SRGAP3: variants seen among roughly 807,000 people sequenced by gnomAD.
The protein encoded by SRGAP3 is SLIT-ROBO Rho GTPase-activating protein 3.
In SRGAP3, 39 loss-of-function variants were observed where a neutral mutation model predicts 121.1. The ratio of observed to expected loss-of-function variants is 0.32; its 90% CI spans 0.25 to 0.42. The LOEUF (loss-of-function observed/expected upper bound fraction) is 0.42. SRGAP3 is among the 10% of genes least tolerant of loss of function. The pLI, the probability that SRGAP3 is intolerant of heterozygous loss-of-function variation, is 1.00. For synonymous variants in SRGAP3, 601 were observed against 570.0 expected, an observed-to-expected ratio of 1.05 and a Z score of -0.77; for missense variants, 1,213 against 1,470.6, an observed-to-expected ratio of 0.82 and a Z score of 2.86.
chr3:9,300,313 A>AC (rs1297780639), intron 3 of SRGAP3, among the ~76,000 whole-genome samples: 2 of 148,914 alleles, frequency 1.3e-5, no homozygotes, highest in East Asian at 4.1e-4. Context: ...AAAACTTCAC[A>AC]CTTCACAACT....
intron 14 of SRGAP3, 123 bp from the exon 15 acceptor site, chr3:9,015,854 C>T (rs1943611731): frequency 1.7e-6 from 2 of 1,184,128 alleles, no homozygotes; most frequent in Non-Finnish European, 2.5e-6. Context: ...GAAAAGTCTC[C>T]CCCACATATG....
intron 3 of SRGAP3, among the ~76,000 whole-genome samples, chr3:9,258,031 A>G (rs906118445): frequency 2.0e-5 from 3 of 152,174 alleles, no homozygotes; most frequent in Non-Finnish European, 4.4e-5. Flanking sequence ...AGCACTCGAT[A>G]TAGTCTAGGC....
At chr3:8,994,656 G>C (rs1942279808) in intron 18 of SRGAP3, 133 bp from the exon 19 acceptor site, 2 of 1,177,214 alleles carry the variant, frequency 1.7e-6, no homozygotes, top group Non-Finnish European at 2.4e-6. Flanking sequence ...CAGAACGCCT[G>C]GTGGGCTGGG....
At chr3:8,999,265 G>A (rs1250943890) in intron 18 of SRGAP3, among the ~76,000 whole-genome samples, 4 of 152,222 alleles carry the variant, frequency 2.6e-5, no homozygotes, top group Non-Finnish European at 4.4e-5. Context: ...GATTGGAGGG[G>A]AGAGGCTGGA....
At chr3:9,286,387 A>C (rs1430618464) in intron 3 of SRGAP3, among the ~76,000 whole-genome samples, 2 of 151,224 alleles carry the variant, frequency 1.3e-5, no homozygotes, top group Non-Finnish European at 3.0e-5. Flanking sequence ...TTGGCTGGGC[A>C]CGGTGGCTCA....
At chr3:9,306,953 G>A (rs774823583) in intron 3 of SRGAP3, among the ~76,000 whole-genome samples, 3 of 152,030 alleles carry the variant, frequency 2.0e-5, no homozygotes, top group African/African-American at 7.2e-5. Context: ...CATTATACAC[G>A]GCTCTTTACA....
Position 8,984,095 on chromosome 3 carries a change from G to C in SRGAP3, c.*1424C>G, listed in dbSNP as rs146670215. Reference sequence around the variant, plus strand: ...ACCCGGAAGGGCTTTACTTGGCCAAGAGGCAAAGGCCTGGCTGTCACACGT... The same window carrying C: ...ACCCGGAAGGGCTTTACTTGGCCAACAGGCAAAGGCCTGGCTGTCACACGT... On this transcript the variant is annotated 3_prime_UTR_variant, in exon 22 of 22. Transcript: ENST00000383836. The C allele has an allele frequency of 6.6e-4, 153 of 232,222 alleles. No homozygotes were observed. The East Asian group carries it at 8.6e-3, about 13-fold the overall frequency. 14.4% of individuals were successfully genotyped at this position (232,222 alleles called of 1,614,324 possible). A position where few individuals can be genotyped will look rare whatever the true frequency, so the allele number is the denominator to read the frequency against.
chr3:9,278,691 G>A (rs149813874), intron 3 of SRGAP3, among the ~76,000 whole-genome samples: 4 of 152,330 alleles, frequency 2.6e-5, no homozygotes, highest in Non-Finnish European at 5.9e-5. Flanking sequence ...AATCACAGCA[G>A]CCGGGTATCC....
chr3:9,254,364 A>T (rs1173669280), upstream of SRGAP3, among the ~76,000 whole-genome samples: 1 of 152,268 alleles, frequency 6.6e-6, no homozygotes, highest in African/African-American at 2.4e-5. Context: ...GTCCATTTAT[A>T]TGAAATATCC....
intron 4 of SRGAP3, among the ~76,000 whole-genome samples, chr3:9,075,053 T>C (rs1383073295): frequency 6.6e-6 from 1 of 152,238 alleles, no homozygotes; most frequent in Non-Finnish European, 1.5e-5. Context: ...TATAGAAATA[T>C]ATTGAAAATC....
At chr3:9,038,595 T>G (rs1475673398) in intron 10 of SRGAP3, among the ~76,000 whole-genome samples, 1 of 152,242 alleles carries the variant, frequency 6.6e-6, no homozygotes, top group African/African-American at 2.4e-5. Flanking sequence ...GTAAGGCTGG[T>G]GCTCCTCCAC....
At chr3:9,001,908 C>A (rs1376191732) in intron 18 of SRGAP3, among the ~76,000 whole-genome samples, 1 of 152,060 alleles carries the variant, frequency 6.6e-6, no homozygotes, top group African/African-American at 2.4e-5. Flanking sequence ...CAGCAAAATA[C>A]ATGAAGCAAA....
Position 8,983,136 on chromosome 3 carries a change from A to G in SRGAP3, c.*2383T>C. ...AAGTCTTGTGTCCTGGCTGGACAGT[A>G]TAGCATCCAGCATGCAAACACATGA... On this transcript the variant is annotated 3_prime_UTR_variant, in exon 22 of 22. Transcript: ENST00000383836. 4.4e-6 allele frequency: 1 copy of G among 227,484 alleles called. No individual in the cohort carries two copies. Among genetic ancestry groups the G allele is most frequent in the Non-Finnish European group, 8.7e-6 (1 of 114,518 alleles). 14.1% of individuals were successfully genotyped at this position (227,484 alleles called of 1,614,324 possible). A position where few individuals can be genotyped will look rare whatever the true frequency, so the allele number is the denominator to read the frequency against.
intron 1 of SRGAP3, among the ~76,000 whole-genome samples, chr3:9,165,647 C>A (rs6770603): frequency 0.015 from 2,313 of 152,234 alleles, 31 homozygotes; most frequent in Middle Eastern, 0.058. Context: ...ACAAGGCCTG[C>A]ATGCTTGTCC....
chr3:9,065,438 A>G (rs1409618362), intron 4 of SRGAP3: 1 of 152,222 alleles, frequency 6.6e-6, no homozygotes, highest in East Asian at 1.9e-4. Flanking sequence ...CCAGGACCAC[A>G]AGCAAAATAT....
intron 3 of SRGAP3, among the ~76,000 whole-genome samples, chr3:9,080,973 G>A (rs1175016577): frequency 6.6e-6 from 1 of 152,072 alleles, no homozygotes; most frequent in East Asian, 1.9e-4. Flanking sequence ...AATATAATGT[G>A]CTTCAATCAT....
chr3:9,145,241 G>A (rs191284505), intron 1 of SRGAP3, among the ~76,000 whole-genome samples: 10 of 152,172 alleles, frequency 6.6e-5, no homozygotes, highest in South Asian at 6.2e-4. Context: ...GATTACAGGC[G>A]CATGCCACCA....
At chr3:9,260,737 AC>A (rs1347028637) in intron 3 of SRGAP3, among the ~76,000 whole-genome samples, 14 of 152,294 alleles carry the variant, frequency 9.2e-5, no homozygotes, top group African/African-American at 3.4e-4. Context: ...ACAGACTTAA[AC>A]GTTCCTGCCT....
chr3:9,226,016 C>G (rs532232723), intron 1 of SRGAP3, among the ~76,000 whole-genome samples: 10 of 152,332 alleles, frequency 6.6e-5, no homozygotes, highest in African/African-American at 2.4e-4. Context: ...ACACCTGAGG[C>G]TGGATCGGGC....
Sources: allele counts gnomAD v4.1 joint callset (sites outside exome capture counted in the v4.1 genomes callset), GRCh38; gene constraint gnomAD v4.1.1; transcripts MANE v1.5; gene names NCBI Gene and HGNC (gene_info 2026-07-23, HGNC 2026-07-21).